The following NPNT variants were observed in gnomAD, a reference collection of about 807,000 sequenced individuals.
The protein encoded by NPNT is nephronectin.
A neutral mutation model predicts 68.6 loss-of-function variants in NPNT; 45 were observed. The ratio of observed to expected loss-of-function variants is 0.66; its 90% confidence interval spans 0.52 to 0.84. NPNT has a LOEUF of 0.84. Ranked by LOEUF, NPNT falls within the 40% of genes least tolerant of loss-of-function variation. The pLI is 0.00. For missense variants in NPNT, 672 were observed against 714.8 expected, an observed-to-expected ratio of 0.94 and a Z score of 0.68; for synonymous variants, 233 against 253.3, an observed-to-expected ratio of 0.92 and a Z score of 0.76.
intron 11 of NPNT, among the ~76,000 whole-genome samples, chr4:105,967,650 A>C (rs1475093089): frequency 6.6e-6 from 1 of 151,682 alleles, no homozygotes; most frequent in Non-Finnish European, 1.5e-5. Flanking sequence ...ACCTGTGATC[A>C]CCACCTCTCC....
At chr4:105,928,220 A>C (rs1728835165) in intron 3 of NPNT, among the ~76,000 whole-genome samples, 1 of 152,194 alleles carries the variant, frequency 6.6e-6, no homozygotes, top group African/African-American at 2.4e-5. Context: ...TTTTTCTACT[A>C]TACTAGTTTT....
chr4:105,935,590 G>T (rs987392087), intron 3 of NPNT, among the ~76,000 whole-genome samples: 2 of 152,096 alleles, frequency 1.3e-5, no homozygotes, highest in African/African-American at 4.8e-5. Context: ...TTTAAAATGT[G>T]ATTTTGTTTT....
chr4:105,940,041 C>A, intron 5 of NPNT, 34 bp from the exon 6 acceptor site: 1 of 1,600,750 alleles, frequency 6.2e-7, no homozygotes, highest in Non-Finnish European at 8.6e-7. Context: ...CATACCCTTG[C>A]TCTTCCTAAA....
In NPNT at chr4:105,969,112, A is replaced by G; in HGVS notation, c.*122A>G. 1 of 641,036 alleles carries G rather than the reference A, an allele frequency of 1.6e-6. No individual in the cohort carries two copies. Among genetic ancestry groups the G allele is most frequent in the Non-Finnish European group, 2.7e-6 (1 of 376,426 alleles). The allele number at this position is 641,036 out of a possible 1,614,324, so 39.7% of individuals were successfully genotyped here. ...AGAGTGGGTCAGTGGGTCAGAAGGA[A>G]GTCTATTTGGTGACCCAGGTTTTTC... On this transcript the variant is annotated 3_prime_UTR_variant, in exon 12 of 12. Coordinates refer to ENST00000379987, the MANE Select transcript of NPNT (RefSeq NM_001033047.3).
At chr4:105,934,242 A>G (rs1044709601) in intron 3 of NPNT, among the ~76,000 whole-genome samples, 6 of 152,216 alleles carry the variant, frequency 3.9e-5, no homozygotes, top group African/African-American at 1.4e-4. Context: ...GATTGTGATA[A>G]TGAACACAGC....
intron 10 of NPNT, among the ~76,000 whole-genome samples, chr4:105,962,827 A>G (rs1012365871): frequency 2.0e-5 from 3 of 151,924 alleles, no homozygotes; most frequent in Non-Finnish European, 4.4e-5. Context: ...TTTTTATTCT[A>G]GGAAATTCAG....
chr4:105,964,876 A>C (rs1366483500), intron 10 of NPNT, among the ~76,000 whole-genome samples: 1 of 152,256 alleles, frequency 6.6e-6, no homozygotes, highest in Non-Finnish European at 1.5e-5. Context: ...TACTTGCAGC[A>C]ATGCAAAGTG....
chr4:105,914,051 A>G (rs529257111), intron 2 of NPNT, among the ~76,000 whole-genome samples: 2 of 152,208 alleles, frequency 1.3e-5, no homozygotes, highest in African/African-American at 4.8e-5. Flanking sequence ...AAGCAACTCA[A>G]TTTGTAAGAT....
At chr4:105,914,293 G>C (rs189395134) in intron 2 of NPNT, among the ~76,000 whole-genome samples, 1 of 144,182 alleles carries the variant, frequency 6.9e-6, no homozygotes, top group East Asian at 2.0e-4. Context: ...ATTTTACTGG[G>C]ATGATATCTG....
intron 10 of NPNT, among the ~76,000 whole-genome samples, chr4:105,961,966 G>A (rs528038529): frequency 2.0e-5 from 3 of 152,274 alleles, no homozygotes; most frequent in African/African-American, 7.2e-5. Context: ...TTAAGAAGGT[G>A]AAATGTAATG....
At chr4:105,943,256 G>A (rs1324911747) in intron 8 of NPNT, among the ~76,000 whole-genome samples, 1 of 152,172 alleles carries the variant, frequency 6.6e-6, no homozygotes, top group Non-Finnish European at 1.5e-5. Context: ...TCAGTCTTTG[G>A]GTAGGGAATA....
chr4:105,897,648 C>A (rs1725970328), intron 1 of NPNT, among the ~76,000 whole-genome samples: 1 of 152,168 alleles, frequency 6.6e-6, no homozygotes, highest in African/African-American at 2.4e-5. Flanking sequence ...CTTAAGAAAG[C>A]ATCTTTCCCT....
At position 105,970,196 on chromosome 4, in the gene NPNT, C is replaced by T. The variant is rs141629000; in HGVS notation, c.*1206C>T. The T allele has an allele frequency of 7.3e-4, 394 of 539,090 alleles. 2 individuals carry two copies. The East Asian group carries it at 9.6e-3, about 13-fold the overall frequency. The allele number at this position is 539,090 out of a possible 1,614,324, so 33.4% of individuals were successfully genotyped here. ...CTTAGAGGCATGGGATGTGTTGGAA[C>T]GGGATTTACACACACTGGAGGAGCA... On this transcript the variant is annotated 3_prime_UTR_variant, in exon 12 of 12. Coordinates refer to ENST00000379987, the MANE Select transcript of NPNT (RefSeq NM_001033047.3).
chr4:105,967,548 G>C, intron 11 of NPNT, 104 bp downstream of exon 11: 1 of 1,245,404 alleles, frequency 8.0e-7, no homozygotes, highest in Non-Finnish European at 1.1e-6. Flanking sequence ...TTCAGGCTCA[G>C]ATAAAGGTTT....
In NPNT at chr4:105,916,962, G is replaced by T. The variant is rs147942280; in HGVS notation, c.173-10374G>T. 4.0e-3 allele frequency among the ~76,000 whole-genome samples: 607 copies of T among 151,706 alleles called. 5 individuals are homozygous for T. The highest frequency in any genetic ancestry group is 0.014 in the African/African-American group (578 of 41,078). Reference sequence around the variant, plus strand: ...TCAGGAAACAGTTTAATGAGAAAATGAATATATTTGTCTCCCTACCTTATG... The same window carrying T: ...TCAGGAAACAGTTTAATGAGAAAATTAATATATTTGTCTCCCTACCTTATG... On this transcript the variant is annotated intron_variant, in intron 2 of 11. Coordinates refer to ENST00000379987, the MANE Select transcript of NPNT (RefSeq NM_001033047.3).
At chr4:105,913,303 C>A (rs554156445) in intron 2 of NPNT, among the ~76,000 whole-genome samples, 2 of 152,240 alleles carry the variant, frequency 1.3e-5, no homozygotes, top group South Asian at 4.2e-4. Flanking sequence ...TTTCTTTGTT[C>A]AGGGAGACTT....
At chr4:105,956,163 A>T (rs1731208466) in intron 8 of NPNT, among the ~76,000 whole-genome samples, 1 of 151,908 alleles carries the variant, frequency 6.6e-6, no homozygotes, top group African/African-American at 2.4e-5. Context: ...TGTATGATCT[A>T]ATCTCTTCCT....
chr4:105,943,539 A>G (rs907602073), intron 8 of NPNT, among the ~76,000 whole-genome samples: 15 of 152,226 alleles, frequency 9.9e-5, no homozygotes, highest in African/African-American at 3.4e-4. Context: ...AAAGGGTAGC[A>G]CCACCAATGG....
intron 4 of NPNT, among the ~76,000 whole-genome samples, chr4:105,938,002 T>C (rs182036005): frequency 9.8e-5 from 15 of 152,318 alleles, no homozygotes; most frequent in African/African-American, 3.6e-4. Context: ...GACAGTTACT[T>C]GGATGATTAG....
Sources: gnomAD v4.1 joint callset for allele counts (sites outside exome capture counted in the v4.1 genomes callset) on GRCh38, gnomAD v4.1.1 for gene constraint, MANE v1.5 for transcripts, NCBI Gene and HGNC (gene_info 2026-07-23, HGNC 2026-07-21) for gene names.